SNX13: variants seen among roughly 807,000 people sequenced by gnomAD.
The protein encoded by SNX13 is sorting nexin-13.
Under a neutral mutation model 133.6 loss-of-function variants are expected in SNX13, and 45 were observed. The ratio of observed to expected loss-of-function variants is 0.34; its 90% confidence interval spans 0.27 to 0.43. The LOEUF is 0.43. Among genes scored for constraint, SNX13 ranks in the 20% least tolerant of loss-of-function variants. The pLI is 1.00. For synonymous variants in SNX13, 414 were observed against 373.9 expected (o/e 1.11, Z -1.24); for missense variants, 1,032 against 1,145.1 (o/e 0.90, Z 1.43).
At chr7:17,855,770 T>C (rs1400799124) in intron 9 of SNX13, among the ~76,000 whole-genome samples, 1 of 152,250 alleles carries the variant, frequency 6.6e-6, no homozygotes, top group African/African-American at 2.4e-5. Flanking sequence ...GTTGTTTTCA[T>C]GCCTACTAAA....
At chr7:17,796,154 C>T (rs1311226066) in intron 25 of SNX13, 1 of 151,606 alleles carries the variant, frequency 6.6e-6, no homozygotes, top group Non-Finnish European at 1.5e-5. Flanking sequence ...CATTAAATTG[C>T]TTTTTACATT....
At chr7:17,917,977 T>C (rs1450278350) in intron 1 of SNX13, among the ~76,000 whole-genome samples, 1 of 151,968 alleles carries the variant, frequency 6.6e-6, no homozygotes, top group Non-Finnish European at 1.5e-5. Flanking sequence ...CAGACCAGAA[T>C]AGAGAACCCA....
intron 13 of SNX13, among the ~76,000 whole-genome samples, chr7:17,839,587 C>T (rs1308377493): frequency 1.3e-5 from 2 of 151,892 alleles, no homozygotes; most frequent in Admixed American, 1.3e-4. Context: ...GACCTTGAAT[C>T]TTATTCTATC....
rs777936254 is a variant in SNX13, at chr7:17,840,013, A to T, written c.1166-13T>A. 6.2e-7 allele frequency: 1 copy of T among 1,600,502 alleles called. No individual in the cohort carries two copies. The highest frequency in any genetic ancestry group is 8.5e-7 in the Non-Finnish European group (1 of 1,173,350). On this transcript the variant is annotated splice_polypyrimidine_tract_variant and intron_variant, in intron 12 of 25. Coordinates refer to ENST00000428135, the MANE Select transcript of SNX13 (RefSeq NM_015132.5). ...TGCTGCATGTAATCTAGCAATCAAAAATCCATAATAACATAAATATTAGTG... is the reference window on the plus strand; with the variant it reads ...TGCTGCATGTAATCTAGCAATCAAATATCCATAATAACATAAATATTAGTG...
At chr7:17,831,548 T>G (rs1788488955) in intron 15 of SNX13, 1 of 984,170 alleles carries the variant, frequency 1.0e-6, no homozygotes, top group African/African-American at 1.8e-5. Flanking sequence ...AGGAATGAAA[T>G]TTCTACTCAA....
intron 24 of SNX13, among the ~76,000 whole-genome samples, chr7:17,797,259 C>G (rs970772642): frequency 6.6e-6 from 1 of 151,838 alleles, no homozygotes; most frequent in African/African-American, 2.4e-5. Context: ...TGGGCATCTG[C>G]TGATTGAACA....
At chr7:17,883,559 C>T (rs1423823459) in intron 5 of SNX13, among the ~76,000 whole-genome samples, 1 of 151,944 alleles carries the variant, frequency 6.6e-6, no homozygotes, top group Non-Finnish European at 1.5e-5. Flanking sequence ...ATTGAGTGTG[C>T]TGTTGCTTTT....
rs1340619759 is a variant in SNX13 at position 17,830,066 on chromosome 7, A to G, written c.1598-19T>C. 5.9e-6 allele frequency: 9 copies of G among 1,517,354 alleles called. No individual in the cohort carries two copies. Among genetic ancestry groups the G allele is most frequent in the Non-Finnish European group, 8.0e-6 (9 of 1,126,792 alleles). The allele number at this position is 1,517,354 out of a possible 1,614,324, so 94.0% of individuals were successfully genotyped here. A position where few individuals can be genotyped will look rare whatever the true frequency, so the allele number is the denominator to read the frequency against. ...AAAGATTCTGCAGGGGGGAAATTCA[A>G]CTTAGTATACAGCAAAAAACTTTAA... On this transcript the variant is annotated intron_variant, in intron 15 of 25. Transcript: ENST00000428135.
At chr7:17,833,287 A>T (rs1284427945) in intron 15 of SNX13, among the ~76,000 whole-genome samples, 1 of 151,644 alleles carries the variant, frequency 6.6e-6, no homozygotes, top group African/African-American at 2.4e-5. Context: ...TTACTAATAA[A>T]AATTGATACT....
chr7:17,869,225 T>C (rs931354265), intron 8 of SNX13, among the ~76,000 whole-genome samples: 2 of 152,098 alleles, frequency 1.3e-5, no homozygotes, highest in East Asian at 3.8e-4. Context: ...TTATAAGTCT[T>C]ATATTTTTCT....
At chr7:17,818,541 G>T (rs185806240) in intron 18 of SNX13, among the ~76,000 whole-genome samples, 2 of 152,144 alleles carry the variant, frequency 1.3e-5, no homozygotes, top group East Asian at 1.9e-4. Context: ...CTATTTAAAA[G>T]ATTATTTTAA....
At chr7:17,918,589 T>C (rs1021209666) in intron 1 of SNX13, among the ~76,000 whole-genome samples, 1 of 152,106 alleles carries the variant, frequency 6.6e-6, no homozygotes, top group African/African-American at 2.4e-5. Context: ...TGACTATTAT[T>C]AAAAAGTCAA....
chr7:17,818,367 C>G (rs995043596), intron 18 of SNX13, among the ~76,000 whole-genome samples: 2 of 152,044 alleles, frequency 1.3e-5, no homozygotes, highest in African/African-American at 4.8e-5. Context: ...GAAATAAAAA[C>G]CACAGTAACA....
At chr7:17,922,239 G>T (rs1382691874) in intron 1 of SNX13, among the ~76,000 whole-genome samples, 1 of 152,192 alleles carries the variant, frequency 6.6e-6, no homozygotes, top group Non-Finnish European at 1.5e-5. Context: ...GCTAGCCAGG[G>T]AGAATACTCA....
At chr7:17,894,832 C>T (rs887287303) in intron 2 of SNX13, among the ~76,000 whole-genome samples, 6 of 152,246 alleles carry the variant, frequency 3.9e-5, no homozygotes, top group Admixed American at 6.5e-5. Flanking sequence ...TTCTCAAAGT[C>T]CTCCAATTTT....
rs542947579 is a variant in SNX13, at chr7:17,812,247, T to C, written c.2064+2587A>G. Among the ~76,000 whole-genome samples, 8 of 151,860 alleles carry C rather than the reference T, an allele frequency of 5.3e-5. No homozygotes were observed. The South Asian group carries it at 1.7e-3, about 32-fold the overall frequency. ...ATTGGGAGAAAATTTTTGCAATCTA[T>C]CCATCTGACAAAGGGCTCATATCCA... On this transcript the variant is annotated intron_variant, in intron 20 of 25. Transcript: ENST00000428135.
In SNX13 at chr7:17,924,857, T is replaced by C. The variant is rs114265120; in HGVS notation, c.12+15427A>G. Among the ~76,000 whole-genome samples the C allele has an allele frequency of 4.5e-3, 688 of 152,192 alleles. 7 individuals are homozygous for C. The highest frequency in any genetic ancestry group is 0.016 in the African/African-American group (670 of 41,520). The stretch of plus-strand genomic sequence containing the variant: ...AATCTTGAAAACAAGCTAAGTGAAA[T>C]AAGCCAGTCACAAAGGCCCACATAT... On this transcript the variant is annotated intron_variant, in intron 1 of 25. Coordinates refer to ENST00000428135, the MANE Select transcript of SNX13 (RefSeq NM_015132.5).
At chr7:17,903,077 C>T (rs1023541744) in intron 1 of SNX13, among the ~76,000 whole-genome samples, 11 of 152,142 alleles carry the variant, frequency 7.2e-5, no homozygotes, top group Non-Finnish European at 1.6e-4. Context: ...TAATATAGTA[C>T]CATTTTCTTT....
At chr7:17,838,005 A>C (rs540160559) in intron 13 of SNX13, among the ~76,000 whole-genome samples, 2 of 152,012 alleles carry the variant, frequency 1.3e-5, no homozygotes, top group African/African-American at 4.8e-5. Context: ...AATTTTAGCG[A>C]AACAGTATAT....
Sources: gnomAD v4.1 joint callset for allele counts (sites outside exome capture counted in the v4.1 genomes callset) on GRCh38, gnomAD v4.1.1 for gene constraint, MANE v1.5 for transcripts, NCBI Gene and HGNC (gene_info 2026-07-23, HGNC 2026-07-21) for gene names.